The following PHC3 variants were observed in gnomAD, a reference collection of about 807,000 sequenced individuals.
PHC3 encodes the protein polyhomeotic homolog 3, also known as polyhomeotic-like protein 3.
A neutral mutation model predicts 107.4 loss-of-function variants in PHC3; 13 were observed. The observed-to-expected ratio is 0.12, with a 90% CI of 0.08 to 0.19. The LOEUF is 0.19. Among genes scored for constraint, PHC3 ranks in the 10% least tolerant of loss-of-function variants. The probability of loss-of-function intolerance (pLI) is 1.00; values close to 1 mark genes in which losing one functional copy is unlikely to be tolerated. For synonymous variants in PHC3, 456 were observed against 427.4 expected (o/e 1.07, Z -0.83); for missense variants, 992 against 1,210.9 (o/e 0.82, Z 2.68).
intron 4 of PHC3, among the ~76,000 whole-genome samples, chr3:170,151,553 G>A (rs1725974416): frequency 1.3e-5 from 2 of 152,164 alleles, no homozygotes; most frequent in Non-Finnish European, 2.9e-5. Flanking sequence ...CAGTCTATAA[G>A]GGTATCTTGG....
At chr3:170,147,365 A>G (rs1484344353) in intron 5 of PHC3, 1 of 152,108 alleles carries the variant, frequency 6.6e-6, no homozygotes, top group Admixed American at 6.6e-5. Flanking sequence ...AAATTAAACG[A>G]CCAATTAAGT....
At chr3:170,122,505 A>G (rs998782224) in intron 9 of PHC3, 86 bp downstream of exon 9, 73 of 1,407,856 alleles carry the variant, frequency 5.2e-5, no homozygotes, top group Non-Finnish European at 7.0e-5. Context: ...AAAAGGGTGA[A>G]AGGAGGAAAG....
chr3:170,107,877 C>T (rs759292928), intron 11 of PHC3, among the ~76,000 whole-genome samples: 1 of 152,100 alleles, frequency 6.6e-6, no homozygotes, highest in Non-Finnish European at 1.5e-5. Context: ...CACCCATAAG[C>T]AAACAACTAA....
intron 4 of PHC3, among the ~76,000 whole-genome samples, chr3:170,162,480 C>T (rs967579292): frequency 3.3e-5 from 5 of 152,074 alleles, no homozygotes; most frequent in East Asian, 1.9e-4. Context: ...TCAGTGCATC[C>T]GCATATCTTG....
chr3:170,131,659 C>A (rs1722279178), intron 7 of PHC3, among the ~76,000 whole-genome samples: 1 of 152,002 alleles, frequency 6.6e-6, no homozygotes, highest in Admixed American at 6.6e-5. Flanking sequence ...CATGGTGAAA[C>A]CCCATCTCTA....
chr3:170,112,615 T>C (rs956155517), intron 11 of PHC3, among the ~76,000 whole-genome samples: 1 of 149,764 alleles, frequency 6.7e-6, no homozygotes, highest in Non-Finnish European at 1.5e-5. Context: ...CCTCCGCCTC[T>C]GGGGTTCAAG....
At chr3:170,112,715 G>A (rs1421815547) in intron 11 of PHC3, among the ~76,000 whole-genome samples, 1 of 151,928 alleles carries the variant, frequency 6.6e-6, no homozygotes, top group African/African-American at 2.4e-5. Flanking sequence ...GTAGAGACGG[G>A]GTTTCACCAT....
chr3:170,091,694 T>C lies in PHC3; in HGVS notation c.*5536A>G, dbSNP rs766136125. ...TCTCCCTTAATGTATGTTTTCTAAA[T>C]TGAAAGTTTAGAAAAAGCCATATTC... On this transcript the variant is annotated 3_prime_UTR_variant, in exon 15 of 15. Coordinates refer to ENST00000495893, the MANE Select transcript of PHC3 (RefSeq NM_024947.4). 14 of 152,178 alleles carry C rather than the reference T, an allele frequency of 9.2e-5. No individual in the cohort carries two copies. Among genetic ancestry groups the C allele is most frequent in the Non-Finnish European group, 1.8e-4 (12 of 68,014 alleles). 9.4% of individuals were successfully genotyped at this position (152,178 alleles called of 1,614,324 possible).
chr3:170,092,767 C>T lies in PHC3; in HGVS notation c.*4463G>A, dbSNP rs2108228761. ...TCCAACTGTAATAAAAGGTTCTCAC[C>T]TTTTTCAGAAATCAAAAATCACTAA... On this transcript the variant is annotated 3_prime_UTR_variant, in exon 15 of 15. Coordinates refer to ENST00000495893, the MANE Select transcript of PHC3 (RefSeq NM_024947.4). 6.6e-6 allele frequency: 1 copy of T among 152,202 alleles called. No individual in the cohort carries two copies. Among genetic ancestry groups the T allele is most frequent in the South Asian group, 2.1e-4 (1 of 4,822 alleles). The allele number at this position is 152,202 out of a possible 1,614,324, so 9.4% of individuals were successfully genotyped here. A position where few individuals can be genotyped will look rare whatever the true frequency, so the allele number is the denominator to read the frequency against.
intron 6 of PHC3, among the ~76,000 whole-genome samples, chr3:170,144,944 C>A (rs556506449): frequency 1.8e-4 from 28 of 152,274 alleles, no homozygotes; most frequent in African/African-American, 6.5e-4. Flanking sequence ...TGAGTTCACA[C>A]AATCCTCCTA....
At chr3:170,098,561 G>A (rs901290629) in intron 14 of PHC3, among the ~76,000 whole-genome samples, 1 of 152,004 alleles carries the variant, frequency 6.6e-6, no homozygotes, top group Middle Eastern at 3.2e-3. Flanking sequence ...AGCATTATAG[G>A]TACTGAATAC....
rs2108464303 is a variant in PHC3 at position 170,129,173 on chromosome 3, C to A, written c.1299G>T (p.Gln433His). 6.2e-7 allele frequency: 1 copy of A among 1,613,900 alleles called. No homozygotes were observed. The highest frequency in any genetic ancestry group is 8.5e-7 in the Non-Finnish European group (1 of 1,179,864). Residue 433 changes from glutamine to histidine, a missense_variant, in exon 8 of 15, where the codon CAG (glutamine) becomes CAT (histidine). By Grantham distance (24) the Gln-to-His change is conservative. This residue lies in a region of PHC3 where 543 missense variants were observed against 590.8 expected (regional missense o/e 0.92). Transcript: ENST00000495893. Reference sequence around the variant, plus strand: ...GAGCTGATGACACAAGAGGGTGTGGCTGAATAAGTGCTTGTGGATGAATAA... The same window carrying A: ...GAGCTGATGACACAAGAGGGTGTGGATGAATAAGTGCTTGTGGATGAATAA... ...TIIIHPQALI[Q>H]PHPLVSSALQ... is the part of the protein sequence containing the mutation.
intron 2 of PHC3, among the ~76,000 whole-genome samples, chr3:170,174,166 C>CTCT (rs530016645): frequency 0.011 from 1,740 of 151,580 alleles, 29 homozygotes; most frequent in African/African-American, 0.039. Context: ...GCACTCCAGC[C>CTCT]TAGACGACAG....
chr3:170,127,292 G>A (rs993243047), intron 8 of PHC3, among the ~76,000 whole-genome samples: 3 of 152,076 alleles, frequency 2.0e-5, no homozygotes, highest in South Asian at 4.1e-4. Flanking sequence ...TCAGCATCCC[G>A]AGTAGCTGGG....
At chr3:170,120,841 G>T (rs967614479) in intron 9 of PHC3, among the ~76,000 whole-genome samples, 1 of 152,112 alleles carries the variant, frequency 6.6e-6, no homozygotes, top group Admixed American at 6.6e-5. Context: ...CATGCCTGTT[G>T]TAGCAGTCCT....
intron 6 of PHC3, among the ~76,000 whole-genome samples, chr3:170,143,930 T>TA (rs1287389479): frequency 6.6e-6 from 1 of 152,084 alleles, no homozygotes; most frequent in Non-Finnish European, 1.5e-5. Context: ...AATGGAATCA[T>TA]AGAGTATGTA....
At chr3:170,168,573 G>A (rs563529238) in intron 4 of PHC3, among the ~76,000 whole-genome samples, 5 of 151,960 alleles carry the variant, frequency 3.3e-5, no homozygotes, top group Non-Finnish European at 7.4e-5. Flanking sequence ...AGACCATCAT[G>A]GCTAAGACGG....
At chr3:170,114,447 T>C (rs752474149) in intron 10 of PHC3, among the ~76,000 whole-genome samples, 2 of 152,230 alleles carry the variant, frequency 1.3e-5, no homozygotes, top group African/African-American at 2.4e-5. Flanking sequence ...GACAAAATTA[T>C]TGGATGTATT....
At chr3:170,158,342 GAC>G (rs1404146912) in intron 4 of PHC3, among the ~76,000 whole-genome samples, 1 of 151,688 alleles carries the variant, frequency 6.6e-6, no homozygotes, top group Non-Finnish European at 1.5e-5. Flanking sequence ...CAGCCTGGGT[GAC>G]AGAGACTCCA....
Sources: allele counts gnomAD v4.1 joint callset (sites outside exome capture counted in the v4.1 genomes callset), GRCh38; gene constraint gnomAD v4.1.1; regional missense constraint gnomAD v4.1.1; transcripts MANE v1.5; gene names NCBI Gene and HGNC (gene_info 2026-07-23, HGNC 2026-07-21).